PPP2R2A: variants seen among roughly 807,000 people sequenced by gnomAD.
The protein encoded by PPP2R2A is protein phosphatase 2 regulatory subunit Balpha.
Under a neutral mutation model 53.2 loss-of-function variants are expected in PPP2R2A, and 9 were observed. That is an observed-to-expected ratio of 0.17 (90% confidence interval 0.10 to 0.30). PPP2R2A has a LOEUF of 0.30. Among genes scored for constraint, PPP2R2A ranks in the 10% least tolerant of loss-of-function variants. The probability of loss-of-function intolerance (pLI) is 1.00; values close to 1 mark genes in which losing one functional copy is unlikely to be tolerated. For missense variants in PPP2R2A, 235 were observed against 534.6 expected, an observed-to-expected ratio of 0.44 and a Z score of 5.53; for synonymous variants, 169 against 174.2, an observed-to-expected ratio of 0.97 and a Z score of 0.23.
Position 26,354,643 on chromosome 8 carries a change from C to T in PPP2R2A, c.346+10C>T, listed in dbSNP as rs1344787660. On this transcript the variant is annotated intron_variant, in intron 4 of 9. Coordinates refer to ENST00000380737, the MANE Select transcript of PPP2R2A (RefSeq NM_002717.4). This position sits in a 1 kb window ranked among gnomAD's most constrained non-coding sequence, Gnocchi z 4.6. ...TTATTGTCTACCAATGGTAAGTATACATATTTTCTTTCCATGTGCCCACTG... is the reference window on the plus strand; with the variant it reads ...TTATTGTCTACCAATGGTAAGTATATATATTTTCTTTCCATGTGCCCACTG... 1 of 1,577,870 alleles carries T rather than the reference C, an allele frequency of 6.3e-7. No homozygotes were observed. Among genetic ancestry groups the T allele is most frequent in the South Asian group, 1.2e-5 (1 of 85,260 alleles).
At chr8:26,352,497 G>A (rs1338457838) in intron 3 of PPP2R2A, among the ~76,000 whole-genome samples, 1 of 152,148 alleles carries the variant, frequency 6.6e-6, no homozygotes, top group Non-Finnish European at 1.5e-5. Flanking sequence ...GTTTTTAAAA[G>A]TTCTGTTATG....
Position 26,360,107 on chromosome 8 carries a change from A to T in PPP2R2A, c.347-62A>T. 1 of 880,748 alleles carries T rather than the reference A, an allele frequency of 1.1e-6. No individual in the cohort carries two copies. 54.6% of individuals were successfully genotyped at this position (880,748 alleles called of 1,614,324 possible). ...CGTGAAATGTGAAATAGCATATTTT[A>T]AATGCCTTAAAATGTTTTTCTTCTT... On this transcript the variant is annotated intron_variant, in intron 4 of 9. Transcript: ENST00000380737. The surrounding 1 kb of genome is among the most constrained non-coding windows in gnomAD (Gnocchi z 4.5).
In PPP2R2A at chr8:26,358,590, CAG is replaced by C. The variant is rs1488740117; in HGVS notation, c.347-1575_347-1574del. On this transcript the variant is annotated intron_variant, in intron 4 of 9. Coordinates refer to ENST00000380737, the MANE Select transcript of PPP2R2A (RefSeq NM_002717.4). The stretch of plus-strand genomic sequence containing the variant: ...GCAACTATCATTCTTCTGTACGATA[CAG>C]AGACTGCCAGGCTAGAGTCACTGGC... Among the ~76,000 whole-genome samples, 4 of 152,298 alleles carry C rather than the reference CAG, an allele frequency of 2.6e-5. No individual in the cohort carries two copies. The East Asian group carries it at 5.8e-4, about 22-fold the overall frequency.
intron 2 of PPP2R2A, among the ~76,000 whole-genome samples, chr8:26,326,596 G>A (rs1803100202): frequency 6.6e-6 from 1 of 152,054 alleles, no homozygotes; most frequent in East Asian, 1.9e-4. Context: ...AGATTTTAGG[G>A]AGATATTAAT....
At chr8:26,350,158 C>T (rs1417760971) in intron 3 of PPP2R2A, among the ~76,000 whole-genome samples, 1 of 152,042 alleles carries the variant, frequency 6.6e-6, no homozygotes, top group African/African-American at 2.4e-5. Flanking sequence ...CCTCCTCCTC[C>T]CATCAAGTGA....
In PPP2R2A at chr8:26,364,020, T is replaced by C. The variant is rs183572152; in HGVS notation, c.972+130T>C. Reference sequence around the variant, plus strand: ...ACCATTAGGCCTTTTCCCTCAGAGATCTATGAGTATGTTGCTCTTCCTTAT... The same window carrying C: ...ACCATTAGGCCTTTTCCCTCAGAGACCTATGAGTATGTTGCTCTTCCTTAT... On this transcript the variant is annotated intron_variant, in intron 8 of 9. Coordinates refer to ENST00000380737, the MANE Select transcript of PPP2R2A (RefSeq NM_002717.4). 86 of 731,516 alleles carry C rather than the reference T, an allele frequency of 1.2e-4. 1 individual carries two copies. The Admixed American group carries it at 2.0e-3, about 17-fold the overall frequency. The allele number at this position is 731,516 out of a possible 1,614,324, so 45.3% of individuals were successfully genotyped here. A position where few individuals can be genotyped will look rare whatever the true frequency, so the allele number is the denominator to read the frequency against.
chr8:26,365,186 G>A (rs1015951650), intron 8 of PPP2R2A: 26 of 152,210 alleles, frequency 1.7e-4, no homozygotes, highest in African/African-American at 5.8e-4. Flanking sequence ...AGTTGGAGTA[G>A]TGATTAAAAG....
chr8:26,355,960 C>G (rs964332903), intron 4 of PPP2R2A, among the ~76,000 whole-genome samples: 9 of 151,564 alleles, frequency 5.9e-5, no homozygotes, highest in Admixed American at 5.3e-4. Context: ...TTATGAAAAA[C>G]TTTTTCCTGT....
chr8:26,321,334 C>G lies in PPP2R2A; in HGVS notation c.83-17556C>G, dbSNP rs538240231. Among the ~76,000 whole-genome samples, 1 of 152,242 alleles carries G rather than the reference C, an allele frequency of 6.6e-6. No individual in the cohort carries two copies. Among genetic ancestry groups the G allele is most frequent in the South Asian group, 2.1e-4 (1 of 4,808 alleles). On this transcript the variant is annotated intron_variant, in intron 2 of 9. Transcript: ENST00000380737. This position sits in a 1 kb window ranked among gnomAD's most constrained non-coding sequence, Gnocchi z 4.1. The stretch of plus-strand genomic sequence containing the variant: ...AGAGAAATGTGACCTGAGAGAGAAG[C>G]ACAAAGTTGAAACTCTGCCCCCAGG...
chr8:26,307,879 T>C (rs1046786569), intron 2 of PPP2R2A, among the ~76,000 whole-genome samples: 1 of 152,218 alleles, frequency 6.6e-6, no homozygotes, highest in Non-Finnish European at 1.5e-5. Context: ...AGTGAGGGGT[T>C]GAACCTTGTT....
At chr8:26,351,981 C>T (rs1437772282) in intron 3 of PPP2R2A, among the ~76,000 whole-genome samples, 1 of 152,130 alleles carries the variant, frequency 6.6e-6, no homozygotes, top group African/African-American at 2.4e-5. Flanking sequence ...TTATATGTGC[C>T]AAGTACTGTT....
intron 3 of PPP2R2A, among the ~76,000 whole-genome samples, chr8:26,350,983 C>A: frequency 6.6e-6 from 1 of 151,990 alleles, no homozygotes; most frequent in East Asian, 1.9e-4. Flanking sequence ...AAGACCTCAT[C>A]TTTTTTAAAA....
rs1213117290 is a variant in PPP2R2A, at chr8:26,371,099, CCTA to C, written c.*692_*694del. ...TGGCACTGAAAATAAGGAAAAAAAA[CCTA>C]CTACTGAATAAAAGTGACAAAGAAT... On this transcript the variant is annotated 3_prime_UTR_variant, in exon 10 of 10. Transcript: ENST00000380737. 6.6e-6 allele frequency: 1 copy of C among 152,462 alleles called. No homozygotes were observed. Among genetic ancestry groups the C allele is most frequent in the Non-Finnish European group, 1.5e-5 (1 of 68,032 alleles). 9.4% of individuals were successfully genotyped at this position (152,462 alleles called of 1,614,324 possible).
intron 2 of PPP2R2A, among the ~76,000 whole-genome samples, chr8:26,330,005 A>G (rs1275746681): frequency 1.3e-5 from 2 of 152,262 alleles, no homozygotes; most frequent in South Asian, 4.1e-4. Context: ...ATTTACATTT[A>G]GTCATCATGT....
intron 2 of PPP2R2A, among the ~76,000 whole-genome samples, chr8:26,334,699 C>T (rs997772107): frequency 6.6e-6 from 1 of 151,886 alleles, no homozygotes; most frequent in Non-Finnish European, 1.5e-5. Context: ...GAGCCGAGAT[C>T]GCGCCACTGC....
chr8:26,347,630 A>G (rs144397411), intron 3 of PPP2R2A, among the ~76,000 whole-genome samples: 20 of 152,260 alleles, frequency 1.3e-4, no homozygotes, highest in African/African-American at 4.3e-4. Context: ...TTATTTGACT[A>G]TCTTATAGAC....
At chr8:26,318,468 G>A (rs1212508878) in intron 2 of PPP2R2A, among the ~76,000 whole-genome samples, 2 of 152,124 alleles carry the variant, frequency 1.3e-5, no homozygotes, top group African/African-American at 4.8e-5. Context: ...GAAATAATGT[G>A]GCATGGGTTT....
intron 4 of PPP2R2A, among the ~76,000 whole-genome samples, chr8:26,358,319 C>T (rs1804897697): frequency 6.6e-6 from 1 of 152,126 alleles, no homozygotes; most frequent in South Asian, 2.1e-4. Context: ...TCATCCTCAT[C>T]ACAAATACTT....
At chr8:26,336,291 T>C (rs1220931589) in intron 2 of PPP2R2A, among the ~76,000 whole-genome samples, 1 of 152,054 alleles carries the variant, frequency 6.6e-6, no homozygotes, top group Admixed American at 6.5e-5. Flanking sequence ...TAGACTGGCA[T>C]GGTGGTCCGC....
Sources: gnomAD v4.1 joint callset for allele counts (sites outside exome capture counted in the v4.1 genomes callset) on GRCh38, gnomAD v4.1.1 for gene constraint, Gnocchi (gnomAD v3.1) non-coding constraint, MANE v1.5 for transcripts, NCBI Gene and HGNC (gene_info 2026-07-23, HGNC 2026-07-21) for gene names.